LRP1B: variants seen among roughly 807,000 people sequenced by gnomAD.
LRP1B encodes LDL receptor related protein 1B.
Under a neutral mutation model 556.6 loss-of-function variants are expected in LRP1B, and 217 were observed. That is an observed-to-expected ratio of 0.39 (90% CI 0.35 to 0.44). The LOEUF (loss-of-function observed/expected upper bound fraction) is 0.44, where lower values mean the gene tolerates loss of function less well. Ranked by LOEUF, LRP1B falls within the 20% of genes least tolerant of loss-of-function variation. LRP1B has a pLI of 1.00. For missense variants in LRP1B, 5,053 were observed against 5,620.8 expected (o/e 0.90, Z 3.23); for synonymous variants, 2,047 against 1,865.8 (o/e 1.10, Z -2.50).
intron 32 of LRP1B, among the ~76,000 whole-genome samples, chr2:140,804,489 A>G (rs942313976): frequency 2.6e-5 from 4 of 152,008 alleles, no homozygotes; most frequent in African/African-American, 7.2e-5. Flanking sequence ...AAATTCATAA[A>G]AAGTGTGCAA....
At chr2:141,599,066 C>CCCCCCCCCCCG (rs1687638982) in intron 2 of LRP1B, among the ~76,000 whole-genome samples, 2 of 78,708 alleles carry the variant, frequency 2.5e-5, no homozygotes, top group Non-Finnish European at 4.9e-5. Flanking sequence ...CCCCCCCCCC[C>CCCCCCCCCCCG]CCCCCCCCGC....
chr2:141,080,951 T>C (rs1699907407), intron 7 of LRP1B, among the ~76,000 whole-genome samples: 1 of 152,122 alleles, frequency 6.6e-6, no homozygotes, highest in African/African-American at 2.4e-5. Flanking sequence ...CACCCCTTAG[T>C]CCTCTCAGGT....
chr2:142,070,350 A>G (rs1411277605), intron 1 of LRP1B, among the ~76,000 whole-genome samples: 2 of 151,860 alleles, frequency 1.3e-5, no homozygotes, highest in Non-Finnish European at 2.9e-5. Flanking sequence ...CACATTTTAT[A>G]GATAATGAAA....
At chr2:140,432,331 A>T (rs1685985480) in intron 66 of LRP1B, among the ~76,000 whole-genome samples, 1 of 152,162 alleles carries the variant, frequency 6.6e-6, no homozygotes, top group South Asian at 2.1e-4. Flanking sequence ...GCCCGCCTGC[A>T]CCCAGGTGAA....
chr2:141,222,508 A>T (rs535336486), intron 6 of LRP1B, among the ~76,000 whole-genome samples: 1 of 152,056 alleles, frequency 6.6e-6, no homozygotes, highest in Non-Finnish European at 1.5e-5. Context: ...AAAAGATGGG[A>T]CTCCTCCCTA....
In LRP1B at chr2:141,601,202, GTATCTATCTATC is replaced by G. The variant is rs4008441; in HGVS notation, c.206-120681_206-120670del. 1.6e-3 allele frequency among the ~76,000 whole-genome samples: 245 copies of G among 148,928 alleles called. 1 individual carries two copies. Among genetic ancestry groups the G allele is most frequent in the Middle Eastern group, 3.4e-3 (1 of 290 alleles). ...ACATATAGTATCTGTCTGTCTGTCA[GTATCTATCTATC>G]TATCTATCTATCTATCTATCTATCT... On this transcript the variant is annotated intron_variant, in intron 2 of 90. Coordinates refer to ENST00000389484, the MANE Select transcript of LRP1B (RefSeq NM_018557.3).
chr2:140,523,257 A>G (rs1330464094), intron 49 of LRP1B, among the ~76,000 whole-genome samples: 10 of 151,976 alleles, frequency 6.6e-5, no homozygotes, highest in Admixed American at 6.6e-4. Context: ...ATCAATAAGT[A>G]TGATTCACTA....
chr2:141,774,428 C>T (rs1243456998), intron 2 of LRP1B, among the ~76,000 whole-genome samples: 2 of 152,058 alleles, frequency 1.3e-5, no homozygotes, highest in Non-Finnish European at 1.5e-5. Context: ...ATCTTGTGTG[C>T]ACTAATGAGA....
Position 142,044,551 on chromosome 2 carries a change from C to T in LRP1B, c.82+86097G>A, listed in dbSNP as rs372487563. Among the ~76,000 whole-genome samples, 6 of 151,880 alleles carry T rather than the reference C, an allele frequency of 4.0e-5. No homozygotes were observed. In the East Asian group the frequency reaches 1.2e-3, roughly 30 times the overall value. On this transcript the variant is annotated intron_variant, in intron 1 of 90. Transcript: ENST00000389484. ...TATCTGTACTAAGACACTATAAACACATACCTGCTGGCACTTTCAACTATT... is the reference window on the plus strand; with the variant it reads ...TATCTGTACTAAGACACTATAAACATATACCTGCTGGCACTTTCAACTATT...
intron 1 of LRP1B, among the ~76,000 whole-genome samples, chr2:141,865,555 G>C (rs1435778702): frequency 4.5e-5 from 6 of 132,672 alleles, no homozygotes; most frequent in Non-Finnish European, 9.2e-5. Context: ...TCCCGCCACT[G>C]CACTCCAGCC....
chr2:140,686,172 G>C (rs1377746535), intron 41 of LRP1B, among the ~76,000 whole-genome samples: 2 of 152,076 alleles, frequency 1.3e-5, no homozygotes, highest in Non-Finnish European at 2.9e-5. Flanking sequence ...AGGACAGGGT[G>C]GATTTAAGGT....
At chr2:141,187,274 A>C (rs1681303489) in intron 7 of LRP1B, among the ~76,000 whole-genome samples, 1 of 152,114 alleles carries the variant, frequency 6.6e-6, no homozygotes, top group Non-Finnish European at 1.5e-5. Context: ...CTTACGTGCA[A>C]GCTGTTCTTG....
At chr2:140,560,287 A>G (rs1215884687) in intron 43 of LRP1B, among the ~76,000 whole-genome samples, 1 of 152,172 alleles carries the variant, frequency 6.6e-6, no homozygotes, top group Non-Finnish European at 1.5e-5. Flanking sequence ...CATCAAATGT[A>G]ATGTGTGATC....
chr2:141,289,462 T>C (rs887006831), intron 3 of LRP1B, among the ~76,000 whole-genome samples: 1 of 151,030 alleles, frequency 6.6e-6, no homozygotes. Flanking sequence ...TCACATAAAT[T>C]ACAAAATGGT....
chr2:140,591,684 A>T (rs1301824208), intron 43 of LRP1B, among the ~76,000 whole-genome samples: 1 of 152,206 alleles, frequency 6.6e-6, no homozygotes, highest in Non-Finnish European at 1.5e-5. Context: ...CTGTACAACG[A>T]CTTGTCTGAG....
At chr2:141,896,060 A>G (rs1269011863) in intron 1 of LRP1B, among the ~76,000 whole-genome samples, 1 of 152,198 alleles carries the variant, frequency 6.6e-6, no homozygotes, top group Non-Finnish European at 1.5e-5. Context: ...ATTTTCCCAT[A>G]GAAACAGTGT....
At chr2:141,518,814 G>T (rs1432364211) in intron 2 of LRP1B, among the ~76,000 whole-genome samples, 1 of 152,134 alleles carries the variant, frequency 6.6e-6, no homozygotes, top group Non-Finnish European at 1.5e-5. Context: ...GCCAGGTGTG[G>T]TGGCGGGCGC....
rs2105186726 is a variant in LRP1B, at chr2:140,883,842, C to A, written c.4144G>T (p.Ala1382Ser). 1 of 1,613,834 alleles carries A rather than the reference C, an allele frequency of 6.2e-7. No homozygotes were observed. Among genetic ancestry groups the A allele is most frequent in the Non-Finnish European group, 8.5e-7 (1 of 1,179,876 alleles). ...LIAGAMEHPR[A>S]IALDPRYGIL... ...CCATATCTTGGGTCCAAAGCAATGGCCCTGGGGTGTTCCATGGCTCCTGCT... is the reference window on the plus strand; with the variant it reads ...CCATATCTTGGGTCCAAAGCAATGGACCTGGGGTGTTCCATGGCTCCTGCT... Residue 1382 changes from alanine (A) to serine (S), a missense_variant, in exon 25 of 91, where the codon GCC becomes TCC. Physicochemically the swap from Ala to Ser is moderately conservative, Grantham distance 99. Around this residue, in one of 5 missense-constraint regions of LRP1B, gnomAD observed 3,619 missense variants for 3,931.9 expected, o/e 0.92. Transcript: ENST00000389484.
At chr2:140,269,205 A>G (rs1682345960) in intron 86 of LRP1B, 1 of 462,404 alleles carries the variant, frequency 2.2e-6, no homozygotes, top group East Asian at 7.0e-5. Context: ...GATTTAAACC[A>G]ATGAACTGTG....
Sources: allele counts gnomAD v4.1 joint callset (sites outside exome capture counted in the v4.1 genomes callset), GRCh38; gene constraint gnomAD v4.1.1; regional missense constraint gnomAD v4.1.1; transcripts MANE v1.5; gene names NCBI Gene and HGNC (gene_info 2026-07-23, HGNC 2026-07-21).